The following TRHDE variants were observed in gnomAD, a reference collection of about 807,000 sequenced individuals.
The protein encoded by TRHDE is thyrotropin-releasing hormone-degrading ectoenzyme.
In TRHDE, 72 loss-of-function variants were observed where a neutral mutation model predicts 125.7. The ratio of observed to expected loss-of-function variants is 0.57; its 90% CI spans 0.47 to 0.70. TRHDE has a LOEUF of 0.70. Among genes scored for constraint, TRHDE ranks in the 30% least tolerant of loss-of-function variants. The pLI, the probability that TRHDE is intolerant of heterozygous loss-of-function variation, is 0.00. For synonymous variants in TRHDE, 509 were observed against 509.1 expected (o/e 1.00, Z 0.00); for missense variants, 1,110 against 1,327.1 (o/e 0.84, Z 2.54).
chr12:72,603,282 G>T (rs1245783688), intron 12 of TRHDE, among the ~76,000 whole-genome samples: 1 of 152,076 alleles, frequency 6.6e-6, no homozygotes, highest in Non-Finnish European at 1.5e-5. Context: ...AATGGAAAAA[G>T]CAATGAAAGT....
intron 2 of TRHDE, among the ~76,000 whole-genome samples, chr12:72,161,918 G>T (rs1004155020): frequency 6.6e-6 from 1 of 152,170 alleles, no homozygotes; most frequent in Non-Finnish European, 1.5e-5. Context: ...ATAGTATATT[G>T]CATATTATGC....
intron 15 of TRHDE, among the ~76,000 whole-genome samples, chr12:72,639,558 T>G (rs1873938420): frequency 6.6e-6 from 1 of 152,140 alleles, no homozygotes; most frequent in Admixed American, 6.5e-5. Context: ...ACTGCGTTCC[T>G]TTGGAGGAGG....
At chr12:72,484,355 A>C (rs1181783124) in intron 5 of TRHDE, among the ~76,000 whole-genome samples, 1 of 152,148 alleles carries the variant, frequency 6.6e-6, no homozygotes, top group Non-Finnish European at 1.5e-5. Context: ...GAAAAGGTGA[A>C]GGAAGTATTA....
At chr12:72,424,434 C>T (rs375597518) in intron 3 of TRHDE, among the ~76,000 whole-genome samples, 27 of 152,272 alleles carry the variant, frequency 1.8e-4, no homozygotes, top group African/African-American at 4.6e-4. Context: ...ACAAGTACCA[C>T]GGGTTAGGGC....
intron 2 of TRHDE, among the ~76,000 whole-genome samples, chr12:72,350,039 C>T (rs979130606): frequency 3.9e-5 from 6 of 151,958 alleles, no homozygotes; most frequent in Non-Finnish European, 7.4e-5. Flanking sequence ...GTGCCATTTT[C>T]CATATTCCAT....
Position 72,126,223 on chromosome 12 carries a change from G to C in TRHDE, n.279+20471G>C, listed in dbSNP as rs573356967. Among the ~76,000 whole-genome samples the C allele has an allele frequency of 1.5e-3, 227 of 152,184 alleles. 1 individual carries two copies. Among genetic ancestry groups the C allele is most frequent in the African/African-American group, 5.0e-3 (208 of 41,526 alleles). ...AAAGAAATCATAAATGACGCAAACG[G>C]AAACACATTCCATGCTCATGGATTA... is the stretch of plus-strand genomic sequence containing the variant. On this transcript the variant is annotated intron_variant and non_coding_transcript_variant, in intron 2 of 4. Coordinates refer to the TRHDE transcript ENST00000548156.
rs191253644 is a variant in TRHDE, at chr12:72,320,692, A to T, written c.1188+33738A>T. ...ACCTTGATAAAAAGGATATATTTTT[A>T]AAAAATGCAATATGTGATAAAATAT... On this transcript the variant is annotated intron_variant, in intron 2 of 18. Coordinates refer to ENST00000261180, the MANE Select transcript of TRHDE (RefSeq NM_013381.3). Among the ~76,000 whole-genome samples, 271 of 152,258 alleles carry T rather than the reference A, an allele frequency of 1.8e-3. 2 individuals carry two copies. The highest frequency in any genetic ancestry group is 5.1e-3 in the African/African-American group (213 of 41,562).
chr12:72,561,835 C>T (rs1417942914), intron 7 of TRHDE, among the ~76,000 whole-genome samples: 1 of 152,022 alleles, frequency 6.6e-6, no homozygotes, highest in Non-Finnish European at 1.5e-5. Context: ...GAAAGTTTCT[C>T]TAAATATTTC....
intron 3 of TRHDE, among the ~76,000 whole-genome samples, chr12:72,434,854 TC>T (rs1874667653): frequency 6.6e-6 from 1 of 152,158 alleles, no homozygotes. Flanking sequence ...CTTCTGTTGT[TC>T]CCCCACGTTT....
intron 7 of TRHDE, among the ~76,000 whole-genome samples, chr12:72,549,530 G>A (rs78028553): frequency 0.013 from 2,026 of 151,856 alleles, 46 homozygotes; most frequent in African/African-American, 0.047. Flanking sequence ...ATGCTGTGCA[G>A]TTTTAGATAT....
chr12:72,369,376 T>A (rs1318379267), intron 2 of TRHDE, among the ~76,000 whole-genome samples: 1 of 152,012 alleles, frequency 6.6e-6, no homozygotes, highest in African/African-American at 2.4e-5. Context: ...TCATGGCCAG[T>A]CAGGAAAGCA....
intron 2 of TRHDE, among the ~76,000 whole-genome samples, chr12:72,242,553 T>G (rs34121057): frequency 0.22 from 34,090 of 152,108 alleles, 4,583 homozygotes; most frequent in South Asian, 0.33. Flanking sequence ...CTGCCATGAC[T>G]GTTGCTGCCA....
intron 2 of TRHDE, among the ~76,000 whole-genome samples, chr12:72,172,286 G>T (rs1876890331): frequency 6.6e-6 from 1 of 152,160 alleles, no homozygotes; most frequent in South Asian, 2.1e-4. Flanking sequence ...TGAGAACACT[G>T]CATGACAGCT....
chr12:72,613,466 C>A (rs11179282), intron 12 of TRHDE, among the ~76,000 whole-genome samples: 9,447 of 152,160 alleles, frequency 0.062, 629 homozygotes, highest in East Asian at 0.35. Flanking sequence ...GTATCTTTGG[C>A]AAGTGCTCCT....
chr12:72,394,979 A>G (rs1483688345), intron 3 of TRHDE, among the ~76,000 whole-genome samples: 2 of 152,248 alleles, frequency 1.3e-5, no homozygotes, highest in Non-Finnish European at 2.9e-5. Context: ...GGAAATATGT[A>G]TACATTGTGG....
chr12:72,353,252 G>A (rs1273367298), intron 2 of TRHDE, among the ~76,000 whole-genome samples: 1 of 151,706 alleles, frequency 6.6e-6, no homozygotes, highest in Non-Finnish European at 1.5e-5. Flanking sequence ...AAACAAAACT[G>A]AAGTGTTTAA....
chr12:72,371,546 C>A (rs567299068), intron 2 of TRHDE, among the ~76,000 whole-genome samples: 104 of 151,650 alleles, frequency 6.9e-4, no homozygotes, highest in Non-Finnish European at 2.9e-5. Flanking sequence ...CCCCCCTCCC[C>A]CAACCCCACA....
intron 3 of TRHDE, among the ~76,000 whole-genome samples, chr12:72,407,603 A>G (rs148716476): frequency 6.6e-6 from 1 of 152,376 alleles, no homozygotes; most frequent in African/African-American, 2.4e-5. Context: ...TTAGAAATGT[A>G]AGATTTAAAA....
intron 3 of TRHDE, among the ~76,000 whole-genome samples, chr12:72,395,346 C>T (rs1872748591): frequency 6.6e-6 from 1 of 152,128 alleles, no homozygotes; most frequent in African/African-American, 2.4e-5. Flanking sequence ...TATGGATCTT[C>T]ATTGCCCCCC....
Sources: gnomAD v4.1 joint callset for allele counts (sites outside exome capture counted in the v4.1 genomes callset) on GRCh38, gnomAD v4.1.1 for gene constraint, MANE v1.5 for transcripts, NCBI Gene and HGNC (gene_info 2026-07-23, HGNC 2026-07-21) for gene names.